The following SDK1 variants were observed in gnomAD, a reference collection of about 807,000 sequenced individuals.
SDK1 encodes the protein sidekick cell adhesion molecule 1, also known as protein sidekick-1.
A neutral mutation model predicts 245.5 loss-of-function variants in SDK1; 157 were observed. The observed-to-expected ratio is 0.64, with a 90% CI of 0.56 to 0.73. The LOEUF is 0.73. Among genes scored for constraint, SDK1 ranks in the 30% least tolerant of loss-of-function variants. SDK1 has a pLI of 0.00. For synonymous variants in SDK1, 1,647 were observed against 1,278.5 expected, an observed-to-expected ratio of 1.29 and a Z score of -6.15; for missense variants, 3,583 against 3,002.3, an observed-to-expected ratio of 1.19 and a Z score of -4.52.
chr7:3,915,604 C>G (rs779362658), intron 5 of SDK1, among the ~76,000 whole-genome samples: 3 of 152,146 alleles, frequency 2.0e-5, no homozygotes, highest in Non-Finnish European at 4.4e-5. Context: ...TGTGGCACTG[C>G]GAGTCCATTA....
At chr7:4,166,574 G>C (rs542406431) in intron 32 of SDK1, among the ~76,000 whole-genome samples, 39 of 152,330 alleles carry the variant, frequency 2.6e-4, no homozygotes, top group African/African-American at 9.1e-4. Context: ...ATTGCGTGTT[G>C]AGCCTCCTGT....
intron 35 of SDK1, among the ~76,000 whole-genome samples, chr7:4,195,985 C>G (rs866330374): frequency 2.6e-5 from 4 of 152,158 alleles, no homozygotes; most frequent in Non-Finnish European, 2.9e-5. Context: ...TGCTTTTGCC[C>G]TAGGAAAGCA....
intron 1 of SDK1, among the ~76,000 whole-genome samples, chr7:3,401,968 A>G (rs1169044841): frequency 2.0e-5 from 3 of 152,062 alleles, no homozygotes; most frequent in Admixed American, 6.6e-5. Context: ...GCATCTGTCG[A>G]TTAGGAGGTA....
chr7:3,824,303 T>C (rs1439903253), intron 5 of SDK1, among the ~76,000 whole-genome samples: 2 of 152,228 alleles, frequency 1.3e-5, no homozygotes, highest in Non-Finnish European at 2.9e-5. Flanking sequence ...TGAGGAAAAT[T>C]TGTAAAAACT....
chr7:3,970,984 T>A (rs1490573460), intron 11 of SDK1, among the ~76,000 whole-genome samples: 4 of 152,138 alleles, frequency 2.6e-5, no homozygotes, highest in Non-Finnish European at 5.9e-5. Flanking sequence ...AGTCACTGCA[T>A]CTCTGAGCGT....
chr7:3,967,305 C>G lies in SDK1; in HGVS notation c.1430-13C>G, dbSNP rs752212968. On this transcript the variant is annotated splice_polypyrimidine_tract_variant and intron_variant, in intron 9 of 44. Transcript: ENST00000404826. ...AACAAGGCCCTGATCATTTCATTTA[C>G]TCCTCTTCTCAGATATCGCTCCAGT... 1.9e-6 allele frequency: 3 copies of G among 1,598,646 alleles called. No individual in the cohort carries two copies. The highest frequency in any genetic ancestry group is 1.7e-6 in the Non-Finnish European group (2 of 1,165,966).
intron 4 of SDK1, among the ~76,000 whole-genome samples, chr7:3,652,140 A>G (rs1783030881): frequency 6.6e-6 from 1 of 152,240 alleles, no homozygotes; most frequent in Non-Finnish European, 1.5e-5. Flanking sequence ...AAGTGGAGAC[A>G]GCAAGTTGAG....
At chr7:3,380,121 C>G (rs1275507226) in intron 1 of SDK1, among the ~76,000 whole-genome samples, 1 of 152,184 alleles carries the variant, frequency 6.6e-6, no homozygotes, top group South Asian at 2.1e-4. Context: ...TTTTCTATGA[C>G]TGTGGATTGT....
In SDK1 at chr7:3,348,491, T is replaced by A. The variant is rs919205387; in HGVS notation, c.298+46607T>A. On this transcript the variant is annotated intron_variant, in intron 1 of 44. Transcript: ENST00000404826. The stretch of plus-strand genomic sequence containing the variant: ...ACAACATGTTCTCGTAAGGGAGAAC[T>A]AAACATCGAGTGCATATGGACATAA... 2.4e-4 allele frequency among the ~76,000 whole-genome samples: 36 copies of A among 151,958 alleles called. 1 individual carries two copies. Among genetic ancestry groups the A allele is most frequent in the South Asian group, 8.3e-4 (4 of 4,812 alleles).
chr7:4,217,513 C>G (rs189086253), intron 38 of SDK1, among the ~76,000 whole-genome samples: 1,773 of 43,290 alleles, frequency 0.041, 103 homozygotes, highest in African/African-American at 0.097. Context: ...CGGAGCACCA[C>G]ACCACCCGGA....
chr7:3,941,525 C>T (rs1322527877), intron 5 of SDK1, among the ~76,000 whole-genome samples: 1 of 152,128 alleles, frequency 6.6e-6, no homozygotes, highest in East Asian at 1.9e-4. Context: ...CGGGTTCCCT[C>T]CTTTTCTCCT....
chr7:3,831,006 G>A (rs1307817130), intron 5 of SDK1, among the ~76,000 whole-genome samples: 4 of 152,128 alleles, frequency 2.6e-5, no homozygotes, highest in Non-Finnish European at 5.9e-5. Context: ...TAGATGTATA[G>A]TCATTGAAGT....
At chr7:3,338,898 G>T (rs1333276615) in intron 1 of SDK1, among the ~76,000 whole-genome samples, 2 of 152,196 alleles carry the variant, frequency 1.3e-5, no homozygotes, top group Non-Finnish European at 2.9e-5. Flanking sequence ...TCCACAGGAA[G>T]AAAGGAGAAA....
At chr7:4,191,156 AC>A (rs911652140) in intron 35 of SDK1, among the ~76,000 whole-genome samples, 1 of 150,066 alleles carries the variant, frequency 6.7e-6, no homozygotes, top group Non-Finnish European at 1.5e-5. Flanking sequence ...TGCCAGGCCA[AC>A]CCCGCGGCGG....
intron 40 of SDK1, among the ~76,000 whole-genome samples, chr7:4,225,619 G>A (rs986770876): frequency 7.9e-5 from 12 of 152,170 alleles, no homozygotes; most frequent in Non-Finnish European, 1.8e-4. Flanking sequence ...TTACTGGTGC[G>A]GCCCAGGGAG....
At chr7:3,610,602 G>A (rs985109127) in intron 1 of SDK1, among the ~76,000 whole-genome samples, 3 of 152,186 alleles carry the variant, frequency 2.0e-5, no homozygotes, top group Non-Finnish European at 4.4e-5. Context: ...GATAAAACTA[G>A]TACATAAATA....
chr7:4,060,832 G>A (rs865786910), intron 19 of SDK1, among the ~76,000 whole-genome samples: 17 of 152,028 alleles, frequency 1.1e-4, no homozygotes, highest in South Asian at 4.1e-4. Flanking sequence ...GGTGTAAGGA[G>A]GGGATCCAGT....
chr7:3,637,848 C>A (rs1465317580), intron 2 of SDK1, among the ~76,000 whole-genome samples: 2 of 152,228 alleles, frequency 1.3e-5, no homozygotes, highest in African/African-American at 2.4e-5. Context: ...TGAGAGATGT[C>A]CACATTGGTG....
chr7:3,622,924 C>G (rs1231686073), intron 2 of SDK1, among the ~76,000 whole-genome samples: 1 of 151,862 alleles, frequency 6.6e-6, no homozygotes, highest in Non-Finnish European at 1.5e-5. Context: ...GATATAAAAC[C>G]TGTCTAAAAA....
Sources: allele counts gnomAD v4.1 joint callset (sites outside exome capture counted in the v4.1 genomes callset), GRCh38; gene constraint gnomAD v4.1.1; transcripts MANE v1.5; gene names NCBI Gene and HGNC (gene_info 2026-07-23, HGNC 2026-07-21).